NECAB3: variants seen among roughly 807,000 people sequenced by gnomAD.
NECAB3 encodes N-terminal EF-hand calcium binding protein 3, also known as N-terminal EF-hand calcium-binding protein 3.
In NECAB3, 38 loss-of-function variants were observed where a neutral mutation model predicts 57.2. The ratio of observed to expected loss-of-function variants is 0.66; its 90% confidence interval spans 0.51 to 0.87. NECAB3 has a LOEUF of 0.87. Ranked by LOEUF, NECAB3 falls within the 40% of genes least tolerant of loss-of-function variation. NECAB3 has a pLI of 0.00. For synonymous variants in NECAB3, 223 were observed against 222.6 expected, an observed-to-expected ratio of 1.00 and a Z score of -0.02; for missense variants, 474 against 527.5, an observed-to-expected ratio of 0.90 and a Z score of 0.99.
rs746941179 is a variant in NECAB3 at position 33,670,797 on chromosome 20, G to T, written c.155-5C>A. 6.2e-7 allele frequency: 1 copy of T among 1,609,838 alleles called. No individual in the cohort carries two copies. The highest frequency in any genetic ancestry group is 2.2e-5 in the East Asian group (1 of 44,872). The stretch of plus-strand genomic sequence containing the variant: ...CAAATGAGAGCTTCCCATCATCTGG[G>T]GTGGCAGGGGGAGGACAGGGAGCAG... On this transcript the variant is annotated splice_region_variant and splice_polypyrimidine_tract_variant and intron_variant, in intron 2 of 11. Transcript: ENST00000246190.
At chr20:33,667,127 C>T (rs2017679832) in intron 5 of NECAB3, 3 of 196,718 alleles carry the variant, frequency 1.5e-5, no homozygotes, top group African/African-American at 6.9e-5. Context: ...CGGCCGTCCT[C>T]CCTGGGCCGC....
At chr20:33,670,409 C>A (rs2017805007) in intron 3 of NECAB3, 1 of 386,710 alleles carries the variant, frequency 2.6e-6, no homozygotes, top group Non-Finnish European at 4.6e-6. Context: ...TGTCCCCAGG[C>A]ATCCTCTGGT....
chr20:33,660,382 G>C lies in NECAB3; in HGVS notation c.401C>G (p.Ala134Gly). Residue 134 changes from alanine to glycine, a missense_variant, in exon 6 of 12, where the codon GCC becomes GGC. By Grantham distance (60) the Ala-to-Gly change is moderately conservative (BLOSUM62 0). Coordinates refer to ENST00000246190, the MANE Select transcript of NECAB3 (RefSeq NM_031232.4). This position sits in a 1 kb window ranked among gnomAD's most constrained non-coding sequence, Gnocchi z 4.1. ...MDATKLEYER[A>G]SKVDQFVTRF... Reference sequence around the variant, plus strand: ...CGTCACAAACTGGTCCACTTTGGAGGCCCTCTCGTACTCCTGTGGGCCAAG... The same window carrying C: ...CGTCACAAACTGGTCCACTTTGGAGCCCCTCTCGTACTCCTGTGGGCCAAG... 6.2e-7 allele frequency: 1 copy of C among 1,613,634 alleles called. No homozygotes were observed. The highest frequency in any genetic ancestry group is 8.5e-7 in the Non-Finnish European group (1 of 1,179,948).
chr20:33,665,253 A>G (rs1163950924), intron 5 of NECAB3: 1 of 152,402 alleles, frequency 6.6e-6, no homozygotes, highest in Non-Finnish European at 1.5e-5. Flanking sequence ...AGGCAGGCAG[A>G]TCACGAGGTC....
At chr20:33,666,691 G>C (rs1355743397) in intron 5 of NECAB3, 1 of 152,372 alleles carries the variant, frequency 6.6e-6, no homozygotes, top group African/African-American at 2.4e-5. Context: ...TGACGGGGCG[G>C]AACAGCAAAG....
rs1485846382 is a variant in NECAB3 at position 33,672,039 on chromosome 20, CTTCACCTCTCTGG to C, written c.154+346_154+358del. ...AGGCTGTGTGACCTTAGGCAACTTG[CTTCACCTCTCTGG>C]CCCTCTGCTCCTTTATGAAATAGGG... On this transcript the variant is annotated intron_variant, in intron 2 of 11. Coordinates refer to ENST00000246190, the MANE Select transcript of NECAB3 (RefSeq NM_031232.4). 1.6e-5 allele frequency: 5 copies of C among 318,492 alleles called. No individual in the cohort carries two copies. In the South Asian group the frequency reaches 1.6e-4, roughly 10 times the overall value. The allele number at this position is 318,492 out of a possible 1,614,324, so 19.7% of individuals were successfully genotyped here.
chr20:33,666,806 AC>A (rs1359269860), intron 5 of NECAB3: 2 of 152,294 alleles, frequency 1.3e-5, no homozygotes, highest in African/African-American at 4.8e-5. Context: ...TGAAGCCTGA[AC>A]TAGGGGCCGG....
chr20:33,669,500 T>A (rs1383012892), intron 4 of NECAB3, 28 bp from the exon 5 acceptor site: 1 of 1,612,050 alleles, frequency 6.2e-7, no homozygotes, highest in African/African-American at 1.3e-5. Context: ...GCTCAAGGGT[T>A]CCTGGACCCC....
At chr20:33,662,141 T>G in intron 5 of NECAB3, 2 of 606,850 alleles carry the variant, frequency 3.3e-6, no homozygotes, top group Non-Finnish European at 5.7e-6. Flanking sequence ...ATTGCCTCAT[T>G]TATGATCATT....
Position 33,659,964 on chromosome 20 carries a change from G to A in NECAB3, c.564C>T (p.Cys188=), listed in dbSNP as rs374043263. The A allele has an allele frequency of 4.7e-5, 73 of 1,561,908 alleles. No individual in the cohort carries two copies. The highest frequency in any genetic ancestry group is 5.9e-5 in the Non-Finnish European group (68 of 1,156,048). ...AESVEAQSRL[C]GSRRAGRRAL... is the part of the protein sequence containing the mutation. ...CTCGGCGTCCTGCCCGCCGGCTGCC[G>A]CAGAGCCTGCTCTGCGCCTCCACGC... is the stretch of plus-strand genomic sequence containing the variant. The change falls in exon 7 of 12, where the codon TGC becomes TGT. Residue 188 remains cysteine, a synonymous_variant. Transcript: ENST00000246190.
chr20:33,672,490 C>A, intron 1 of NECAB3, 68 bp from the exon 2 acceptor site: 2 of 1,596,970 alleles, frequency 1.3e-6, no homozygotes, highest in Non-Finnish European at 1.7e-6. Flanking sequence ...CCCACTCAAC[C>A]CGACAGGGTC....
chr20:33,669,542 C>T, intron 4 of NECAB3, 70 bp from the exon 5 acceptor site: 2 of 1,579,688 alleles, frequency 1.3e-6, no homozygotes, highest in South Asian at 1.1e-5. Flanking sequence ...ATTCTGGCCC[C>T]CTGGAATTCC....
intron 5 of NECAB3, chr20:33,667,695 C>CCT: frequency 6.2e-7 from 1 of 1,612,148 alleles, no homozygotes; most frequent in South Asian, 1.1e-5. Flanking sequence ...CGAACCCTGA[C>CCT]CTCTTGCAGC....
chr20:33,667,329 G>A, intron 5 of NECAB3: 2 of 875,906 alleles, frequency 2.3e-6, no homozygotes, highest in Non-Finnish European at 1.5e-6. Context: ...GCGTGGTGGC[G>A]GACTGGGAGG....
At chr20:33,659,843 GTGCC>G (rs1379549545) in intron 7 of NECAB3, 38 bp downstream of exon 7, 48 of 1,536,856 alleles carry the variant, frequency 3.1e-5, no homozygotes, top group Non-Finnish European at 4.0e-5. Flanking sequence ...GGGGGATGCG[GTGCC>G]TGCCTCGGCC....
In NECAB3 at chr20:33,659,687, C is replaced by T. The variant is rs1359570485; in HGVS notation, c.689G>A (p.Arg230His). 2 of 1,608,300 alleles carry T rather than the reference C, an allele frequency of 1.2e-6. No homozygotes were observed. The highest frequency in any genetic ancestry group is 2.2e-5 in the South Asian group (2 of 90,774). ...AEMQWRLQVN[R>H]LQELIDQLEC... is the part of the protein sequence containing the mutation. ...GAGCTGGTCGATGAGCTCCTGGAGG[C>T]GGTTCACCTGGAGCCGCCACTGCAT... Residue 230 changes from arginine (R) to histidine (H), a missense_variant, in exon 8 of 12, where the codon CGC becomes CAC. By Grantham distance (29) the Arg-to-His change is conservative. Transcript: ENST00000246190.
intron 10 of NECAB3, 115 bp from the exon 11 acceptor site, chr20:33,658,148 G>C (rs1467777635): frequency 2.1e-5 from 19 of 893,042 alleles, no homozygotes; most frequent in Non-Finnish European, 3.2e-5. Context: ...CCTCTCCCCT[G>C]TGACACGGGG....
chr20:33,659,154 C>T (rs369045827), intron 8 of NECAB3, among the ~76,000 whole-genome samples: 2 of 152,122 alleles, frequency 1.3e-5, no homozygotes, highest in Admixed American at 6.5e-5. Context: ...CGCCAACCTG[C>T]CCCCCAGCCT....
At position 33,657,280 on chromosome 20, in the gene NECAB3, C is replaced by T. The variant is rs1038676425; in HGVS notation, c.*549G>A. On this transcript the variant is annotated 3_prime_UTR_variant, in exon 12 of 12. Transcript: ENST00000246190. ...ATATGCAAATGACATGCAAACCAACCCAGAGGCCTCTGGCACATCCATGGG... is the reference window on the plus strand; with the variant it reads ...ATATGCAAATGACATGCAAACCAACTCAGAGGCCTCTGGCACATCCATGGG... The T allele has an allele frequency of 2.6e-5, 4 of 154,398 alleles. No individual in the cohort carries two copies. Among genetic ancestry groups the T allele is most frequent in the African/African-American group, 9.6e-5 (4 of 41,516 alleles). 9.6% of individuals were successfully genotyped at this position (154,398 alleles called of 1,614,324 possible). A position where few individuals can be genotyped will look rare whatever the true frequency, so the allele number is the denominator to read the frequency against.
Sources: gnomAD v4.1 joint callset for allele counts (sites outside exome capture counted in the v4.1 genomes callset) on GRCh38, gnomAD v4.1.1 for gene constraint, Gnocchi (gnomAD v3.1) non-coding constraint, MANE v1.5 for transcripts, NCBI Gene and HGNC (gene_info 2026-07-23, HGNC 2026-07-21) for gene names.